Variants in LIMCH1 observed in about 807,000 individuals in gnomAD.
LIMCH1 encodes the protein LIM and calponin homology domains-containing protein 1.
LIMCH1 carries 113 observed loss-of-function variants against 176.5 expected under a neutral mutation model. The observed-to-expected ratio is 0.64, with a 90% CI of 0.55 to 0.75. LIMCH1 has a LOEUF of 0.75. Among genes scored for constraint, LIMCH1 ranks in the 30% least tolerant of loss-of-function variants. The probability of loss-of-function intolerance (pLI) is 0.00; values close to 1 mark genes in which losing one functional copy is unlikely to be tolerated. For synonymous variants in LIMCH1, 619 were observed against 645.9 expected (o/e 0.96, Z 0.63); for missense variants, 1,674 against 1,814.9 (o/e 0.92, Z 1.41).
chr4:41,407,713 C>T (rs2059112204), intron 1 of LIMCH1, among the ~76,000 whole-genome samples: 1 of 152,184 alleles, frequency 6.6e-6, no homozygotes, highest in Admixed American at 6.5e-5. Flanking sequence ...TATCCCATAG[C>T]GACCACCTGC....
At chr4:41,644,668 G>A (rs1252171036) in intron 15 of LIMCH1, 42 bp downstream of exon 15, 13 of 1,577,372 alleles carry the variant, frequency 8.2e-6, no homozygotes, top group Non-Finnish European at 1.1e-5. Flanking sequence ...GGAGGCTTCT[G>A]GCAGCAGAAA....
At chr4:41,469,665 G>GATTGATTGATTTATTT (rs1554061021) in intron 1 of LIMCH1, among the ~76,000 whole-genome samples, 101 of 148,358 alleles carry the variant, frequency 6.8e-4, no homozygotes, top group African/African-American at 2.5e-3. Context: ...CTTGTTTTGA[G>GATTGATTGATTTATTT]ATTTATTTAT....
chr4:41,656,506 C>T (rs2094467480), intron 18 of LIMCH1, among the ~76,000 whole-genome samples: 1 of 152,068 alleles, frequency 6.6e-6, no homozygotes, highest in South Asian at 2.1e-4. Context: ...TATCCAGTTA[C>T]CTGGGTCAAA....
intron 1 of LIMCH1, among the ~76,000 whole-genome samples, chr4:41,407,373 C>T (rs1325761432): frequency 6.6e-6 from 1 of 152,176 alleles, no homozygotes; most frequent in African/African-American, 2.4e-5. Flanking sequence ...GGACTATGGG[C>T]ATTTGCCACC....
At chr4:41,400,575 T>G (rs9647420) in intron 1 of LIMCH1, among the ~76,000 whole-genome samples, 10,227 of 152,268 alleles carry the variant, frequency 0.067, 396 homozygotes, top group Middle Eastern at 0.095. Context: ...GGAGCCCTAA[T>G]GCAGTTTCTT....
chr4:41,397,747 G>A (rs1166155219), intron 1 of LIMCH1, among the ~76,000 whole-genome samples: 3 of 152,080 alleles, frequency 2.0e-5, no homozygotes, highest in African/African-American at 7.2e-5. Flanking sequence ...TGAATGTGCT[G>A]TACTGAAACC....
intron 1 of LIMCH1, among the ~76,000 whole-genome samples, chr4:41,442,020 C>T (rs993985876): frequency 1.2e-4 from 18 of 152,096 alleles, no homozygotes; most frequent in African/African-American, 4.3e-4. Context: ...TTCTCTTAGA[C>T]ATTAATTTTA....
chr4:41,564,085 C>T (rs188005328), intron 1 of LIMCH1, among the ~76,000 whole-genome samples: 54 of 152,302 alleles, frequency 3.5e-4, no homozygotes, highest in Non-Finnish European at 6.9e-4. Flanking sequence ...CTAATATTTA[C>T]TTAGTGCTCA....
chr4:41,498,963 A>G (rs1369761232), intron 2 of LIMCH1, among the ~76,000 whole-genome samples: 7 of 152,030 alleles, frequency 4.6e-5, no homozygotes, highest in Non-Finnish European at 8.8e-5. Context: ...ACAAGAGTCT[A>G]TATGTGGCTC....
chr4:41,670,580 G>A, intron 21 of LIMCH1: 1 of 569,258 alleles, frequency 1.8e-6, no homozygotes, highest in Non-Finnish European at 3.0e-6. Flanking sequence ...AAGACATTTT[G>A]TACTGTAGAT....
At chr4:41,694,352 G>A (rs574282144) in intron 31 of LIMCH1, among the ~76,000 whole-genome samples, 1 of 152,248 alleles carries the variant, frequency 6.6e-6, no homozygotes, top group South Asian at 2.1e-4. Flanking sequence ...AATTTCTTGG[G>A]GTAGGGGCAG....
intron 1 of LIMCH1, among the ~76,000 whole-genome samples, chr4:41,388,594 T>A (rs1373855735): frequency 2.6e-5 from 4 of 152,172 alleles, no homozygotes; most frequent in Non-Finnish European, 5.9e-5. Flanking sequence ...CTTATGGAAT[T>A]GGACTTTTAC....
chr4:41,625,716 C>G (rs575693180), intron 7 of LIMCH1, among the ~76,000 whole-genome samples: 1 of 152,092 alleles, frequency 6.6e-6, no homozygotes, highest in African/African-American at 2.4e-5. Flanking sequence ...AAATAAACAC[C>G]CAACGGAATT....
intron 1 of LIMCH1, among the ~76,000 whole-genome samples, chr4:41,583,666 T>C (rs1203067303): frequency 1.3e-5 from 2 of 152,122 alleles, no homozygotes. Flanking sequence ...CTTTTTTGAA[T>C]TACATAGAAA....
chr4:41,613,578 A>G lies in LIMCH1; in HGVS notation c.122A>G (p.Asp41Gly). 8 of 1,614,096 alleles carry G rather than the reference A, an allele frequency of 5.0e-6. No individual in the cohort carries two copies. The highest frequency in any genetic ancestry group is 6.8e-6 in the Non-Finnish European group (8 of 1,180,010). ...SLSPPRHGRD[D>G]SFDSLDSFGS... ...TCTCCTCCTCGCCACGGCAGAGATGATTCCTTCGACAGCCTGGATTCCTTT... is the reference window on the plus strand; with the variant it reads ...TCTCCTCCTCGCCACGGCAGAGATGGTTCCTTCGACAGCCTGGATTCCTTT... The change falls in exon 5 of 32, where the codon GAT becomes GGT. Residue 41 changes from aspartate (D) to glycine (G), a missense_variant. This residue lies in a region of LIMCH1 where 655 missense variants were observed against 692.2 expected (regional missense o/e 0.95). Coordinates refer to ENST00000503057, the MANE Select transcript of LIMCH1 (RefSeq NM_001330672.2).
intron 2 of LIMCH1, among the ~76,000 whole-genome samples, chr4:41,497,996 C>G (rs1212582944): frequency 6.6e-6 from 1 of 152,060 alleles, no homozygotes; most frequent in African/African-American, 2.4e-5. Flanking sequence ...ACCACTGAGT[C>G]TCAGCTGGGC....
intron 1 of LIMCH1, among the ~76,000 whole-genome samples, chr4:41,372,774 C>T (rs1273607484): frequency 1.3e-5 from 2 of 152,154 alleles, no homozygotes; most frequent in Non-Finnish European, 2.9e-5. Context: ...TAAAGCAGCA[C>T]TGTTTTCATC....
At chr4:41,494,657 C>A in intron 2 of LIMCH1, 1 of 1,187,648 alleles carries the variant, frequency 8.4e-7, no homozygotes, top group Non-Finnish European at 1.2e-6. Flanking sequence ...ATCATTAATA[C>A]TATCCAGTTT....
At position 41,626,802 on chromosome 4, in the gene LIMCH1, G is replaced by A. The variant is rs1392251531; in HGVS notation, c.820G>A (p.Glu274Lys). 1 of 1,536,350 alleles carries A rather than the reference G, an allele frequency of 6.5e-7. No individual in the cohort carries two copies. The highest frequency in any genetic ancestry group is 8.7e-7 in the Non-Finnish European group (1 of 1,146,940). ...FLTHQHGNDS[E>K]AEGEVVCRLP... ...GACCCACCAACATGGCAACGATTCA[G>A]AGGCAGAAGGTGAAGTTGTGTGTCG... Residue 274 changes from glutamate (E) to lysine (K), a missense_variant, in exon 8 of 32, where the codon GAG (glutamate) becomes AAG (lysine). Physicochemically the swap from Glu to Lys is moderately conservative, Grantham distance 56. Coordinates refer to ENST00000503057, the MANE Select transcript of LIMCH1 (RefSeq NM_001330672.2).
Sources: allele counts gnomAD v4.1 joint callset (sites outside exome capture counted in the v4.1 genomes callset), GRCh38; gene constraint gnomAD v4.1.1; regional missense constraint gnomAD v4.1.1; transcripts MANE v1.5; gene names NCBI Gene and HGNC (gene_info 2026-07-23, HGNC 2026-07-21).